Variants in CCDC13 observed in about 807,000 individuals in gnomAD.
CCDC13 encodes the protein coiled-coil domain-containing protein 13.
CCDC13 carries 70 observed loss-of-function variants against 87.3 expected under a neutral mutation model. The ratio of observed to expected loss-of-function variants is 0.80; its 90% CI spans 0.66 to 0.98. The LOEUF is 0.98. CCDC13 is among the 50% of genes least tolerant of loss of function. The pLI, the probability that CCDC13 is intolerant of heterozygous loss-of-function variation, is 0.00. For missense variants in CCDC13, 842 were observed against 892.0 expected, an observed-to-expected ratio of 0.94 and a Z score of 0.71; for synonymous variants, 317 against 360.3, an observed-to-expected ratio of 0.88 and a Z score of 1.36.
At chr3:42,734,990 A>C (rs2125885513) in intron 10 of CCDC13, among the ~76,000 whole-genome samples, 1 of 152,348 alleles carries the variant, frequency 6.6e-6, no homozygotes, top group South Asian at 2.1e-4. Context: ...GCTCCCTTAC[A>C]GAGAGTGCAG....
In CCDC13 at chr3:42,707,112, A is replaced by G. The variant is rs1319429322; in HGVS notation, c.*1868T>C. On this transcript the variant is annotated 3_prime_UTR_variant, in exon 16 of 16. Coordinates refer to ENST00000310232, the MANE Select transcript of CCDC13 (RefSeq NM_144719.4). ...ATGGCTGATCCTATGCCTGCTTCTC[A>G]CTCCCTGGGACTGCACTGAGGCCAG... is the stretch of plus-strand genomic sequence containing the variant. Among the ~76,000 whole-genome samples the G allele has an allele frequency of 1.3e-5, 2 of 151,788 alleles. No individual in the cohort carries two copies. Among genetic ancestry groups the G allele is most frequent in the African/African-American group, 4.8e-5 (2 of 41,298 alleles).
At chr3:42,737,256 T>C in intron 9 of CCDC13, among the ~76,000 whole-genome samples, 1 of 152,250 alleles carries the variant, frequency 6.6e-6, no homozygotes, top group Middle Eastern at 3.2e-3. Flanking sequence ...TCCTTTTTTA[T>C]GGCTGCATAT....
chr3:42,742,768 T>C, intron 8 of CCDC13, 128 bp downstream of exon 8: 1 of 1,162,172 alleles, frequency 8.6e-7, no homozygotes, highest in Non-Finnish European at 1.2e-6. Flanking sequence ...GTGACCCAGG[T>C]CCCCAGGTGT....
intron 1 of CCDC13, among the ~76,000 whole-genome samples, chr3:42,770,092 G>C (rs1700031775): frequency 6.6e-6 from 1 of 152,270 alleles, no homozygotes; most frequent in Admixed American, 6.5e-5. Flanking sequence ...CTGGGGCCCT[G>C]GTGCAGGATC....
At chr3:42,757,010 C>T in intron 3 of CCDC13, 56 bp downstream of exon 3, 1 of 1,551,896 alleles carries the variant, frequency 6.4e-7, no homozygotes, top group South Asian at 1.2e-5. Flanking sequence ...GCTGTCTGCC[C>T]TATCTGAAGT....
At chr3:42,728,137 A>G (rs1484909138) in intron 13 of CCDC13, among the ~76,000 whole-genome samples, 1 of 152,252 alleles carries the variant, frequency 6.6e-6, no homozygotes, top group African/African-American at 2.4e-5. Flanking sequence ...TTTTCAGACA[A>G]TGGACAACAG....
rs532963895 is a variant in CCDC13 at position 42,773,241 on chromosome 3, C to T, written c.-72G>A. 4 of 152,384 alleles carry T rather than the reference C, an allele frequency of 2.6e-5. No individual in the cohort carries two copies. In the South Asian group the frequency reaches 6.2e-4, roughly 24 times the overall value. 9.4% of individuals were successfully genotyped at this position (152,384 alleles called of 1,614,324 possible). ...CTAGGTCACCTCCTCCGGACGCCGA[C>T]ACGCGCTGCCCTGGCAACCGTCACC... On this transcript the variant is annotated 5_prime_UTR_variant, in exon 1 of 16. Coordinates refer to ENST00000310232, the MANE Select transcript of CCDC13 (RefSeq NM_144719.4).
chr3:42,757,075 C>A lies in CCDC13; in HGVS notation c.361G>T (p.Ala121Ser), dbSNP rs778997553. 5 of 1,613,840 alleles carry A rather than the reference C, an allele frequency of 3.1e-6. No individual in the cohort carries two copies. The South Asian group carries it at 4.4e-5, about 14-fold the overall frequency. ...LKKKIEEDRF[A>S]FTGTAGVAGD... The stretch of plus-strand genomic sequence containing the variant: ...ACAATGGTGGAGCTACCTGTGAAGG[C>A]AAATCTGTCCTCTTCTATTTTCTTT... Residue 121 changes from alanine (A) to serine (S), a missense_variant, in exon 3 of 16, where the codon GCC becomes TCC. Coordinates refer to ENST00000310232, the MANE Select transcript of CCDC13 (RefSeq NM_144719.4).
chr3:42,735,865 C>T lies in CCDC13; in HGVS notation c.1213G>A (p.Glu405Lys). 1.2e-6 allele frequency: 2 copies of T among 1,614,222 alleles called. No individual in the cohort carries two copies. Among genetic ancestry groups the T allele is most frequent in the Non-Finnish European group, 1.7e-6 (2 of 1,180,036 alleles). ...TGCTGGGACACTCGCGTTTTCTCCT[C>T]CTGCAGACTCAGGCTGCCTAGGATC... ...QEILGSLSLQ[E>K]EKTRVSQHHL... Residue 405 changes from glutamate (E) to lysine (K), a missense_variant, in exon 10 of 16, where the codon GAG becomes AAG. Glu to Lys is a moderately conservative substitution (Grantham distance 56). Transcript: ENST00000310232.
chr3:42,729,832 G>GGCAGAAACTCAGTGGTGT (rs1285593733), intron 13 of CCDC13, among the ~76,000 whole-genome samples: 1 of 152,198 alleles, frequency 6.6e-6, no homozygotes, highest in African/African-American at 2.4e-5. Context: ...AGCCTGTTAG[G>GGCAGAAACTCAGTGGTGT]GCAGAAACTC....
At chr3:42,749,555 C>A (rs1699517598) in intron 5 of CCDC13, among the ~76,000 whole-genome samples, 1 of 152,208 alleles carries the variant, frequency 6.6e-6, no homozygotes. Flanking sequence ...CCTAGCCTGG[C>A]TTGAGTGGGC....
At chr3:42,746,657 C>G (rs1699402917) in intron 6 of CCDC13, 1 of 168,164 alleles carries the variant, frequency 5.9e-6, no homozygotes, top group Admixed American at 5.5e-5. Flanking sequence ...GCACTTGTTT[C>G]CACAATAGAA....
chr3:42,764,006 G>T (rs575199804), intron 1 of CCDC13, among the ~76,000 whole-genome samples: 17 of 152,262 alleles, frequency 1.1e-4, no homozygotes, highest in African/African-American at 3.6e-4. Flanking sequence ...AGGTTGGGAG[G>T]GGGGAGCTTC....
intron 13 of CCDC13, among the ~76,000 whole-genome samples, chr3:42,721,216 A>G (rs551486517): frequency 6.6e-6 from 1 of 152,366 alleles, no homozygotes. Flanking sequence ...AAAATTTCCT[A>G]GTCAATTGTG....
At chr3:42,716,380 A>G (rs1213811082) in intron 13 of CCDC13, among the ~76,000 whole-genome samples, 4 of 152,232 alleles carry the variant, frequency 2.6e-5, no homozygotes, top group African/African-American at 9.6e-5. Flanking sequence ...AAAAAACTTG[A>G]TTTCCCAGTT....
chr3:42,735,814 C>A lies in CCDC13; in HGVS notation c.1264G>T (p.Glu422Ter). The A allele has an allele frequency of 1.9e-6, 3 of 1,614,250 alleles. No homozygotes were observed. The highest frequency in any genetic ancestry group is 2.5e-6 in the Non-Finnish European group (3 of 1,180,048). Residue 422 changes from glutamate to a stop codon, truncating the protein, a stop_gained, in exon 10 of 16, where the codon GAG becomes TAG. Transcript: ENST00000310232. LOFTEE classifies it high-confidence loss of function. Reference sequence around the variant, plus strand: ...ACTAGGCTGTTGCTCCGCTGAGCCTCGCTGTTCAGTTGCTGGTCCAGGTGG... The same window carrying A: ...ACTAGGCTGTTGCTCCGCTGAGCCTAGCTGTTCAGTTGCTGGTCCAGGTGG... ...QHHLDQQLNS[E>*]AQRSNSLVAQ...
At chr3:42,764,006 G>A (rs575199804) in intron 1 of CCDC13, among the ~76,000 whole-genome samples, 1 of 152,262 alleles carries the variant, frequency 6.6e-6, no homozygotes, top group Middle Eastern at 3.4e-3. Flanking sequence ...AGGTTGGGAG[G>A]GGGGAGCTTC....
intron 8 of CCDC13, among the ~76,000 whole-genome samples, chr3:42,741,806 T>G (rs557964341): frequency 6.6e-6 from 1 of 152,238 alleles, no homozygotes; most frequent in South Asian, 2.1e-4. Context: ...CTGGCTGGCA[T>G]ACAAAGCCCA....
rs137959545 is a variant in CCDC13, at chr3:42,766,958, G to C, written c.-7+6218C>G. 5.2e-4 allele frequency among the ~76,000 whole-genome samples: 79 copies of C among 152,238 alleles called. No homozygotes were observed. In the East Asian group the frequency reaches 0.013, roughly 25 times the overall value. ...AAACATACAGCTACCACCATACTTA[G>C]CAGTGAGAAACTACACGCTTTACCC... is the stretch of plus-strand genomic sequence containing the variant. On this transcript the variant is annotated intron_variant, in intron 1 of 15. Transcript: ENST00000310232.
Sources: gnomAD v4.1 joint callset for allele counts (sites outside exome capture counted in the v4.1 genomes callset) on GRCh38, gnomAD v4.1.1 for gene constraint, MANE v1.5 for transcripts, NCBI Gene and HGNC (gene_info 2026-07-23, HGNC 2026-07-21) for gene names.